Variants in CDH10 observed in about 807,000 individuals in gnomAD.
CDH10 encodes the protein cadherin-10.
A neutral mutation model predicts 73.1 loss-of-function variants in CDH10; 30 were observed. The observed-to-expected ratio is 0.41, with a 90% CI of 0.31 to 0.56. The LOEUF is 0.56. Among genes scored for constraint, CDH10 ranks in the 20% least tolerant of loss-of-function variants. CDH10 has a pLI of 0.27. For synonymous variants in CDH10, 345 were observed against 348.2 expected (o/e 0.99, Z 0.10); for missense variants, 815 against 973.7 (o/e 0.84, Z 2.17).
At chr5:24,584,950 G>C (rs1359973207) in intron 2 of CDH10, among the ~76,000 whole-genome samples, 1 of 150,996 alleles carries the variant, frequency 6.6e-6, no homozygotes, top group South Asian at 2.1e-4. Context: ...AGGCTCAGGT[G>C]ATCTTTTCAC....
intron 8 of CDH10, among the ~76,000 whole-genome samples, chr5:24,501,671 T>TATATTTC (rs1742501172): frequency 6.6e-6 from 1 of 152,156 alleles, no homozygotes; most frequent in South Asian, 2.1e-4. Context: ...ATCACAGACA[T>TATATTTC]TAGAAAAATA....
intron 1 of CDH10, among the ~76,000 whole-genome samples, chr5:24,631,946 G>C (rs1434816477): frequency 6.6e-6 from 1 of 152,004 alleles, no homozygotes; most frequent in Admixed American, 6.6e-5. Flanking sequence ...AATTCTATTT[G>C]AGAGGAAAAA....
intron 5 of CDH10, among the ~76,000 whole-genome samples, chr5:24,514,190 T>C (rs1298613430): frequency 2.6e-5 from 4 of 152,166 alleles, no homozygotes; most frequent in Admixed American, 1.3e-4. Flanking sequence ...ACACACACTC[T>C]TAGTCCACAT....
intron 2 of CDH10, among the ~76,000 whole-genome samples, chr5:24,548,203 C>T (rs997309280): frequency 1.3e-5 from 2 of 151,902 alleles, no homozygotes; most frequent in Admixed American, 6.6e-5. Context: ...TTTCAGCTCA[C>T]TGCAACCTCC....
intron 2 of CDH10, among the ~76,000 whole-genome samples, chr5:24,559,028 T>C (rs1370043901): frequency 1.3e-5 from 2 of 151,822 alleles, no homozygotes; most frequent in Non-Finnish European, 3.0e-5. Flanking sequence ...CATGGGGAGG[T>C]CTGTCTAGTT....
chr5:24,557,307 T>G (rs1400996485), intron 2 of CDH10, among the ~76,000 whole-genome samples: 2 of 151,836 alleles, frequency 1.3e-5, no homozygotes, highest in Non-Finnish European at 3.0e-5. Flanking sequence ...ATTTTACTTT[T>G]GTTGCCAACT....
At chr5:24,636,119 A>G (rs1747858636) in intron 1 of CDH10, among the ~76,000 whole-genome samples, 1 of 152,002 alleles carries the variant, frequency 6.6e-6, no homozygotes, top group African/African-American at 2.4e-5. Context: ...ACAGTAATAG[A>G]TAGCACTAGA....
chr5:24,619,125 T>C (rs998048502), intron 1 of CDH10, among the ~76,000 whole-genome samples: 2 of 152,146 alleles, frequency 1.3e-5, no homozygotes, highest in Non-Finnish European at 2.9e-5. Flanking sequence ...ATTCCACAGA[T>C]GCATAATTGC....
At chr5:24,590,701 T>A (rs991585106) in intron 2 of CDH10, among the ~76,000 whole-genome samples, 1 of 152,122 alleles carries the variant, frequency 6.6e-6, no homozygotes, top group East Asian at 1.9e-4. Context: ...GTTTAGGTAT[T>A]TAAAAAATTT....
chr5:24,630,993 T>C (rs1232228059), intron 1 of CDH10, among the ~76,000 whole-genome samples: 2 of 152,140 alleles, frequency 1.3e-5, no homozygotes, highest in African/African-American at 4.8e-5. Flanking sequence ...CTAGATTGAA[T>C]ACTTTGGCCA....
At chr5:24,605,821 A>G (rs537327104) in intron 1 of CDH10, among the ~76,000 whole-genome samples, 1 of 152,310 alleles carries the variant, frequency 6.6e-6, no homozygotes, top group South Asian at 2.1e-4. Context: ...ATGTCCTCAA[A>G]TGGGTGAATG....
intron 9 of CDH10, among the ~76,000 whole-genome samples, chr5:24,498,035 C>A (rs1020720825): frequency 6.6e-6 from 1 of 151,682 alleles, no homozygotes; most frequent in African/African-American, 2.4e-5. Flanking sequence ...CCACAGCATT[C>A]GTCTCTCATC....
chr5:24,601,035 T>A (rs1579460031), intron 1 of CDH10, among the ~76,000 whole-genome samples: 1 of 152,228 alleles, frequency 6.6e-6, no homozygotes. Context: ...TACAACTGCA[T>A]TTAAGCAAAG....
chr5:24,587,062 T>A (rs1343036302), intron 2 of CDH10, among the ~76,000 whole-genome samples: 2 of 151,602 alleles, frequency 1.3e-5, no homozygotes, highest in Admixed American at 1.3e-4. Flanking sequence ...GCCAGAATGG[T>A]CTCGATCTCC....
chr5:24,583,066 T>A (rs13189636), intron 2 of CDH10, among the ~76,000 whole-genome samples: 38,002 of 151,738 alleles, frequency 0.25, 4,935 homozygotes, highest in Admixed American at 0.29. Flanking sequence ...TAATTTTTTT[T>A]AAAAAAACTA....
chr5:24,564,725 A>G (rs1181922534), intron 2 of CDH10, among the ~76,000 whole-genome samples: 1 of 152,222 alleles, frequency 6.6e-6, no homozygotes, highest in Non-Finnish European at 1.5e-5. Context: ...ACTTTCTTCT[A>G]TGAGAGAAAG....
chr5:24,489,166 A>G (rs1741955951), intron 11 of CDH10, among the ~76,000 whole-genome samples: 1 of 152,074 alleles, frequency 6.6e-6, no homozygotes, highest in Non-Finnish European at 1.5e-5. Context: ...ATATGAAGAA[A>G]TATTGATACA....
intron 1 of CDH10, chr5:24,612,189 T>C (rs1042399944): frequency 2.6e-5 from 4 of 152,202 alleles, no homozygotes; most frequent in African/African-American, 4.8e-5. Context: ...TAGATATCTT[T>C]TTCTTTTAAT....
chr5:24,506,846 T>G (rs960113808), intron 7 of CDH10, among the ~76,000 whole-genome samples: 5 of 152,220 alleles, frequency 3.3e-5, no homozygotes, highest in African/African-American at 1.2e-4. Context: ...CTGTCATGCA[T>G]CACTGATTTT....
Sources: allele counts gnomAD v4.1 joint callset (sites outside exome capture counted in the v4.1 genomes callset), GRCh38; gene constraint gnomAD v4.1.1; transcripts MANE v1.5; gene names NCBI Gene and HGNC (gene_info 2026-07-23, HGNC 2026-07-21).